The following TOMM40L variants were observed in gnomAD, a reference collection of about 807,000 sequenced individuals.
TOMM40L encodes the protein mitochondrial import receptor subunit TOM40B.
Under a neutral mutation model 38.3 loss-of-function variants are expected in TOMM40L, and 17 were observed. The ratio of observed to expected loss-of-function variants is 0.44; its 90% CI spans 0.30 to 0.67. TOMM40L has a LOEUF of 0.67. TOMM40L is among the 30% of genes least tolerant of loss of function. The probability of loss-of-function intolerance (pLI) is 0.08; values close to 1 mark genes in which losing one functional copy is unlikely to be tolerated. For synonymous variants in TOMM40L, 151 were observed against 150.2 expected, an observed-to-expected ratio of 1.01 and a Z score of -0.04; for missense variants, 294 against 390.0, an observed-to-expected ratio of 0.75 and a Z score of 2.07.
Position 161,230,681 on chromosome 1 carries a change from G to T in TOMM40L, c.*1586G>T. 2 of 1,169,566 alleles carry T rather than the reference G, an allele frequency of 1.7e-6. No individual in the cohort carries two copies. Among genetic ancestry groups the T allele is most frequent in the Non-Finnish European group, 2.4e-6 (2 of 823,496 alleles). The allele number at this position is 1,169,566 out of a possible 1,614,324, so 72.4% of individuals were successfully genotyped here. On this transcript the variant is annotated 3_prime_UTR_variant, in exon 10 of 10. Coordinates refer to ENST00000367988, the MANE Select transcript of TOMM40L (RefSeq NM_032174.6). ...GATGTGAGACAGGGATGGCCAGGGGGAAGGACTAGACCCCACGATACCTGA... is the reference window on the plus strand; with the variant it reads ...GATGTGAGACAGGGATGGCCAGGGGTAAGGACTAGACCCCACGATACCTGA...
chr1:161,227,531 A>G (rs758824302), intron 4 of TOMM40L, 105 bp from the exon 5 acceptor site: 12 of 1,090,314 alleles, frequency 1.1e-5, no homozygotes, highest in African/African-American at 6.3e-5. Context: ...TGTCTTTGTG[A>G]CTCCACCAGG....
In TOMM40L at chr1:161,229,437, A is replaced by T; in HGVS notation, c.*342A>T. On this transcript the variant is annotated 3_prime_UTR_variant, in exon 10 of 10. Transcript: ENST00000367988. ...TTCCTTTCCCTTTGGTTAATCCTGC[A>T]TGGGATTAGCTGACCATCCTGTTTT... 1 of 640,220 alleles carries T rather than the reference A, an allele frequency of 1.6e-6. No individual in the cohort carries two copies. The highest frequency in any genetic ancestry group is 3.0e-5 in the Admixed American group (1 of 33,852). 39.7% of individuals were successfully genotyped at this position (640,220 alleles called of 1,614,324 possible).
At chr1:161,228,346 C>T (rs761070402) in intron 7 of TOMM40L, 38 bp downstream of exon 7, 3 of 1,608,896 alleles carry the variant, frequency 1.9e-6, no homozygotes, top group East Asian at 2.2e-5. Flanking sequence ...TGGTGGGGGG[C>T]AATTCTGGAC....
intron 4 of TOMM40L, 89 bp from the exon 5 acceptor site, chr1:161,227,547 C>T (rs913598427): frequency 8.5e-7 from 1 of 1,177,316 alleles, no homozygotes; most frequent in Non-Finnish European, 1.2e-6. Flanking sequence ...CCAGGGGGCG[C>T]TGTGCACTCT....
intron 5 of TOMM40L, 39 bp downstream of exon 5, chr1:161,227,776 C>T: frequency 1.2e-6 from 2 of 1,607,724 alleles, no homozygotes; most frequent in African/African-American, 1.3e-5. Flanking sequence ...GAGGCACTTC[C>T]TCTTTCTCCT....
rs539138809 is a variant in TOMM40L, at chr1:161,228,548, A to G, written c.684+44A>G. 4.4e-6 allele frequency: 7 copies of G among 1,608,238 alleles called. No individual in the cohort carries two copies. In the East Asian group the frequency reaches 1.3e-4, roughly 31 times the overall value. ...TTCCCTCCTTGTCAGCAAGTCAGTC[A>G]TGAACTTCTGTTCATCTGGACCTCT... On this transcript the variant is annotated intron_variant, in intron 8 of 9. Transcript: ENST00000367988.
Position 161,227,736 on chromosome 1 carries a change from A to G in TOMM40L, c.377A>G (p.Gln126Arg), listed in dbSNP as rs1252076012. 1 of 1,613,186 alleles carries G rather than the reference A, an allele frequency of 6.2e-7. No individual in the cohort carries two copies. Among genetic ancestry groups the G allele is most frequent in the Non-Finnish European group, 8.5e-7 (1 of 1,179,960 alleles). ...CGGCTCCGAGCTAAGGCTGTCTTCC[A>G]GGTGACCACAGTTCCTGCCTCCATC... ...AERLRAKAVF[Q>R]TQQAKFLTWQ... The change falls in exon 5 of 10, where the codon CAG (glutamine) becomes CGG (arginine). Residue 126 changes from glutamine to arginine, a missense_variant and splice_region_variant. By Grantham distance (43) the Gln-to-Arg change is conservative. Coordinates refer to ENST00000367988, the MANE Select transcript of TOMM40L (RefSeq NM_032174.6).
In TOMM40L at chr1:161,229,993, C is replaced by G; in HGVS notation, c.*898C>G. The G allele has an allele frequency of 6.3e-7, 1 of 1,581,064 alleles. No homozygotes were observed. The highest frequency in any genetic ancestry group is 8.7e-7 in the Non-Finnish European group (1 of 1,155,244). On this transcript the variant is annotated 3_prime_UTR_variant, in exon 10 of 10. Coordinates refer to ENST00000367988, the MANE Select transcript of TOMM40L (RefSeq NM_032174.6). ...AATAAGGCAGTTGGGAGTCTTGTCT[C>G]TAGGCCCTGATCCCCTGAACTATTC...
Position 161,226,406 on chromosome 1 carries a change from G to A in TOMM40L, c.-84G>A, listed in dbSNP as rs1334602802. Reference sequence around the variant, plus strand: ...TCTGAGGCTGGGGAGCCGGATAATGGGGGGTGGGGCCCGTTGGGGGGTAAA... The same window carrying A: ...TCTGAGGCTGGGGAGCCGGATAATGAGGGGTGGGGCCCGTTGGGGGGTAAA... On this transcript the variant is annotated 5_prime_UTR_variant, in exon 2 of 10. Coordinates refer to ENST00000367988, the MANE Select transcript of TOMM40L (RefSeq NM_032174.6). The A allele has an allele frequency of 8.2e-7, 1 of 1,213,200 alleles. No homozygotes were observed. 75.2% of individuals were successfully genotyped at this position (1,213,200 alleles called of 1,614,324 possible).
intron 4 of TOMM40L, 118 bp downstream of exon 4, chr1:161,227,468 CTT>C (rs905365878): frequency 9.8e-6 from 11 of 1,120,150 alleles, no homozygotes; most frequent in South Asian, 4.0e-5. Flanking sequence ...TTCTCTGTGT[CTT>C]TTCTGAATGA....
rs781417564 is a variant in TOMM40L at position 161,229,851 on chromosome 1, C to G, written c.*756C>G. On this transcript the variant is annotated 3_prime_UTR_variant, in exon 10 of 10. Transcript: ENST00000367988. ...TCATGGCAGACAGGCCCTGGATGTG[C>G]TGGATTTGGTACCCGTAGGCCTCAT... 2 of 1,614,190 alleles carry G rather than the reference C, an allele frequency of 1.2e-6. No individual in the cohort carries two copies. Among genetic ancestry groups the G allele is most frequent in the Non-Finnish European group, 8.5e-7 (1 of 1,180,036 alleles).
rs1191636583 is a variant in TOMM40L at position 161,227,695 on chromosome 1, G to C, written c.336G>C (p.Leu112Phe). Reference protein sequence around the residue: ...DSSGSLNAQVLLLLAERLRAK... With the variant: ...DSSGSLNAQVFLLLAERLRAK... ...GTGGCAGCCTGAACGCCCAGGTCTT[G>C]CTCCTCTTGGCAGAGCGGCTCCGAG... The change falls in exon 5 of 10, where the codon TTG (leucine) becomes TTC (phenylalanine). Residue 112 changes from leucine (L) to phenylalanine (F), a missense_variant. Leu to Phe is a conservative substitution (Grantham distance 22, BLOSUM62 0). Coordinates refer to ENST00000367988, the MANE Select transcript of TOMM40L (RefSeq NM_032174.6). The C allele has an allele frequency of 1.9e-6, 3 of 1,613,346 alleles. No individual in the cohort carries two copies. In the African/African-American group the frequency reaches 4.0e-5, roughly 22 times the overall value.
intron 3 of TOMM40L, 145 bp from the exon 4 acceptor site, chr1:161,227,113 T>A: frequency 8.4e-7 from 1 of 1,186,184 alleles, no homozygotes; most frequent in Non-Finnish European, 1.2e-6. Context: ...GACTTGTTGC[T>A]TTTAATCCGA....
In TOMM40L at chr1:161,227,324, G is replaced by T; in HGVS notation, c.250G>T (p.Gly84Trp). Residue 84 changes from glycine to tryptophan, a missense_variant, in exon 4 of 10, where the codon GGG (glycine) becomes TGG (tryptophan). Coordinates refer to ENST00000367988, the MANE Select transcript of TOMM40L (RefSeq NM_032174.6). Reference sequence around the variant, plus strand: ...ATATCACCTCCATGCGGCCTATGCAGGGGATTGGCAGCTCAGTCCCACTGA... The same window carrying T: ...ATATCACCTCCATGCGGCCTATGCATGGGATTGGCAGCTCAGTCCCACTGA... Reference protein sequence around the residue: ...PGYHLHAAYAGDWQLSPTEVF... With the variant: ...PGYHLHAAYAWDWQLSPTEVF... The T allele has an allele frequency of 6.2e-7, 1 of 1,614,154 alleles. No individual in the cohort carries two copies.
In TOMM40L at chr1:161,230,730, A is replaced by G. The variant is rs746543790; in HGVS notation, c.*1635A>G. ...GAATTCCCTAAGGAAAGGACAGTAA[A>G]AAAACATTCCTCCCAAGCTCAATGT... On this transcript the variant is annotated 3_prime_UTR_variant, in exon 10 of 10. Coordinates refer to ENST00000367988, the MANE Select transcript of TOMM40L (RefSeq NM_032174.6). 6.3e-7 allele frequency: 1 copy of G among 1,589,558 alleles called. No homozygotes were observed.
In TOMM40L at chr1:161,230,096, CA is replaced by C. The variant is rs1666791271; in HGVS notation, c.*1002del. The C allele has an allele frequency of 2.7e-6, 2 of 742,894 alleles. No individual in the cohort carries two copies. The highest frequency in any genetic ancestry group is 3.8e-5 in the South Asian group (2 of 52,942). The allele number at this position is 742,894 out of a possible 1,614,324, so 46.0% of individuals were successfully genotyped here. ...ACTATCAGAGGTTCCAAAGGTCCTC[CA>C]GGGGGCCTCGGTCTGACACTGTCTT... On this transcript the variant is annotated 3_prime_UTR_variant, in exon 10 of 10. Coordinates refer to ENST00000367988, the MANE Select transcript of TOMM40L (RefSeq NM_032174.6).
At chr1:161,228,574 A>G (rs368132279) in intron 8 of TOMM40L, 70 bp downstream of exon 8, 14 of 1,586,778 alleles carry the variant, frequency 8.8e-6, no homozygotes, top group Non-Finnish European at 1.2e-5. Flanking sequence ...CTGGACCTCT[A>G]TCGCCCTGCT....
At position 161,229,945 on chromosome 1, in the gene TOMM40L, G is replaced by A; in HGVS notation, c.*850G>A. The stretch of plus-strand genomic sequence containing the variant: ...CAGAAACCTTTGGAGGAAGTAGTGG[G>A]GTTGCCAGGAAAACAGGAGGGAAAT... On this transcript the variant is annotated 3_prime_UTR_variant, in exon 10 of 10. Transcript: ENST00000367988. The A allele has an allele frequency of 1.2e-6, 2 of 1,613,898 alleles. No homozygotes were observed. Among genetic ancestry groups the A allele is most frequent in the Non-Finnish European group, 1.7e-6 (2 of 1,179,912 alleles).
chr1:161,227,836 TGATCATAAA>T, intron 5 of TOMM40L, 39 bp from the exon 6 acceptor site: 3 of 1,608,332 alleles, frequency 1.9e-6, no homozygotes, highest in Non-Finnish European at 2.6e-6. Context: ...GAGTCTATAA[TGATCATAAA>T]GAGGGAGGGA....
Sources: gnomAD v4.1 joint callset for allele counts on GRCh38, gnomAD v4.1.1 for gene constraint, MANE v1.5 for transcripts, NCBI Gene and HGNC (gene_info 2026-07-23, HGNC 2026-07-21) for gene names.